The following SEL1L2 variants were observed in gnomAD, a reference collection of about 807,000 sequenced individuals.
The protein encoded by SEL1L2 is SEL1L2 adaptor subunit of SYVN1 ubiquitin ligase, also known as protein sel-1 homolog 2.
A neutral mutation model predicts 98.8 loss-of-function variants in SEL1L2; 89 were observed. The ratio of observed to expected loss-of-function variants is 0.90; its 90% confidence interval spans 0.76 to 1.07. The LOEUF is 1.07. SEL1L2 is among the 50% of genes least tolerant of loss of function. The pLI, the probability that SEL1L2 is intolerant of heterozygous loss-of-function variation, is 0.00. For synonymous variants in SEL1L2, 262 were observed against 278.5 expected (o/e 0.94, Z 0.59); for missense variants, 788 against 812.0 (o/e 0.97, Z 0.36).
chr20:13,950,993 G>GA (rs764195962), intron 2 of SEL1L2, among the ~76,000 whole-genome samples: 5 of 151,988 alleles, frequency 3.3e-5, no homozygotes, highest in African/African-American at 4.8e-5. Context: ...ATACTGATTA[G>GA]AGGCCGGGCG....
In SEL1L2 at chr20:13,849,308, A is replaced by T; in HGVS notation, c.*177T>A. 1 of 712,200 alleles carries T rather than the reference A, an allele frequency of 1.4e-6. No individual in the cohort carries two copies. The highest frequency in any genetic ancestry group is 2.3e-6 in the Non-Finnish European group (1 of 437,702). 44.1% of individuals were successfully genotyped at this position (712,200 alleles called of 1,614,324 possible). ...CATCCCGCAAAGGGTTTTCTCTACT[A>T]AGCAGGAAGTCTGAAGTTGTTTCTC... On this transcript the variant is annotated 3_prime_UTR_variant, in exon 20 of 20. Coordinates refer to ENST00000284951, the MANE Select transcript of SEL1L2 (RefSeq NM_025229.2).
chr20:13,854,606 T>C (rs1344482408), intron 18 of SEL1L2, among the ~76,000 whole-genome samples: 1 of 152,222 alleles, frequency 6.6e-6, no homozygotes, highest in Non-Finnish European at 1.5e-5. Context: ...CTGTGAGCTC[T>C]TTGAAGGCTG....
At chr20:13,853,085 T>C (rs1170544701) in intron 18 of SEL1L2, among the ~76,000 whole-genome samples, 2 of 152,232 alleles carry the variant, frequency 1.3e-5, no homozygotes, top group African/African-American at 4.8e-5. Flanking sequence ...TATTCACATA[T>C]ACATACTTTT....
At chr20:13,938,162 C>A (rs1275421961) in intron 2 of SEL1L2, among the ~76,000 whole-genome samples, 2 of 151,244 alleles carry the variant, frequency 1.3e-5, no homozygotes, top group Non-Finnish European at 2.9e-5. Flanking sequence ...CTCACTGCAA[C>A]CTCCACCTCC....
chr20:13,954,371 G>T (rs888862701), intron 2 of SEL1L2, among the ~76,000 whole-genome samples: 1 of 152,126 alleles, frequency 6.6e-6, no homozygotes, highest in African/African-American at 2.4e-5. Flanking sequence ...CTGGTTGTAG[G>T]ATAGCATGCA....
At chr20:13,942,416 G>A (rs1251773793) in intron 2 of SEL1L2, among the ~76,000 whole-genome samples, 1 of 152,150 alleles carries the variant, frequency 6.6e-6, no homozygotes, top group Admixed American at 6.5e-5. Context: ...GGTTCTTAAA[G>A]TATGGTCCCT....
intron 1 of SEL1L2, 110 bp downstream of exon 1, chr20:13,990,367 T>C: frequency 1.4e-6 from 1 of 734,992 alleles, no homozygotes; most frequent in Non-Finnish European, 2.4e-6. Flanking sequence ...TGGCATTAGT[T>C]AGGGATATAG....
Position 13,942,449 on chromosome 20 carries a change from T to C in SEL1L2, c.115-10678A>G, listed in dbSNP as rs1005675173. Among the ~76,000 whole-genome samples, 8 of 152,260 alleles carry C rather than the reference T, an allele frequency of 5.3e-5. No individual in the cohort carries two copies. The East Asian group carries it at 1.2e-3, about 22-fold the overall frequency. On this transcript the variant is annotated intron_variant, in intron 2 of 19. Transcript: ENST00000284951. Reference sequence around the variant, plus strand: ...CCTGAAATCTGTTAGACGTGCAAATTATCTGCTCCACCTGAGGTCTACAGA... The same window carrying C: ...CCTGAAATCTGTTAGACGTGCAAATCATCTGCTCCACCTGAGGTCTACAGA...
At chr20:13,929,574 C>T (rs1247750916) in intron 3 of SEL1L2, among the ~76,000 whole-genome samples, 1 of 145,262 alleles carries the variant, frequency 6.9e-6, no homozygotes, top group Admixed American at 7.1e-5. Flanking sequence ...CAGCTCAGCT[C>T]ACTGCAAGCT....
intron 1 of SEL1L2, among the ~76,000 whole-genome samples, chr20:13,969,235 G>T (rs904528895): frequency 6.6e-6 from 1 of 152,124 alleles, no homozygotes; most frequent in Non-Finnish European, 1.5e-5. Flanking sequence ...AAGTCCCAAT[G>T]TCCCCACAAA....
intron 17 of SEL1L2, among the ~76,000 whole-genome samples, chr20:13,862,388 A>T (rs1226347672): frequency 6.6e-6 from 1 of 152,152 alleles, no homozygotes; most frequent in Non-Finnish European, 1.5e-5. Flanking sequence ...CATCTAGGAC[A>T]TCCATCTCAG....
chr20:13,925,972 G>C (rs1341018812), intron 3 of SEL1L2, among the ~76,000 whole-genome samples: 1 of 152,224 alleles, frequency 6.6e-6, no homozygotes, highest in African/African-American at 2.4e-5. Flanking sequence ...TTAATGGTGA[G>C]CAGGTTGGGC....
At chr20:13,925,906 A>T (rs2048870361) in intron 3 of SEL1L2, among the ~76,000 whole-genome samples, 1 of 152,252 alleles carries the variant, frequency 6.6e-6, no homozygotes, top group Non-Finnish European at 1.5e-5. Flanking sequence ...CAGTTAACTT[A>T]CATAAAACTG....
rs561090520 is a variant in SEL1L2 at position 13,891,186 on chromosome 20, C to T, written c.550-2674G>A. 2.9e-4 allele frequency among the ~76,000 whole-genome samples: 44 copies of T among 151,592 alleles called. No homozygotes were observed. In the South Asian group the frequency reaches 5.6e-3, roughly 19 times the overall value. ...CAAAGGATTCCAAGTGAGATGAACC[C>T]GAAGAGCCCCAAACCAAGACACATT... On this transcript the variant is annotated intron_variant, in intron 5 of 19. Coordinates refer to ENST00000284951, the MANE Select transcript of SEL1L2 (RefSeq NM_025229.2).
At chr20:13,858,818 G>A (rs1355353647) in intron 18 of SEL1L2, among the ~76,000 whole-genome samples, 1 of 152,194 alleles carries the variant, frequency 6.6e-6, no homozygotes, top group Non-Finnish European at 1.5e-5. Flanking sequence ...CACAGTAGGT[G>A]CTTCATAAGA....
rs112633765 is a variant in SEL1L2, at chr20:13,934,964, C to A, written c.115-3193G>T. On this transcript the variant is annotated intron_variant, in intron 2 of 19. Coordinates refer to ENST00000284951, the MANE Select transcript of SEL1L2 (RefSeq NM_025229.2). ...TGGATTTTGATAAGCATCCTGCACT[C>A]TCTAGTATAGTGGAATTATCATATG... 3.3e-5 allele frequency among the ~76,000 whole-genome samples: 5 copies of A among 152,098 alleles called. No homozygotes were observed. The East Asian group carries it at 9.6e-4, about 29-fold the overall frequency.
Position 13,882,525 on chromosome 20 carries a change from A to C in SEL1L2, c.957+2822T>G, listed in dbSNP as rs144388520. ...AAAGCTTGGGCCAGTTGGCTAAAGC[A>C]TGAGACCACATGGAGAGGGGCCCCA... On this transcript the variant is annotated intron_variant, in intron 10 of 19. Transcript: ENST00000284951. 6.6e-3 allele frequency among the ~76,000 whole-genome samples: 1,002 copies of C among 152,346 alleles called. 3 individuals are homozygous for C. Among genetic ancestry groups the C allele is most frequent in the South Asian group, 0.023 (111 of 4,830 alleles).
chr20:13,865,865 A>G lies in SEL1L2; in HGVS notation c.1405-351T>C, dbSNP rs986227091. ...TGTGTGTGTGTGTGTGTGTTCTTAA[A>G]GGGACTTTCTGAGCACTGCTGCTCT... On this transcript the variant is annotated intron_variant, in intron 15 of 19. Transcript: ENST00000284951. Among the ~76,000 whole-genome samples, 4 of 142,338 alleles carry G rather than the reference A, an allele frequency of 2.8e-5. No individual in the cohort carries two copies. In the East Asian group the frequency reaches 7.8e-4, roughly 28 times the overall value. 93.4% of individuals were successfully genotyped at this position (142,338 alleles called of 152,430 possible).
chr20:13,882,375 C>T (rs1288152594), intron 10 of SEL1L2, among the ~76,000 whole-genome samples: 1 of 152,212 alleles, frequency 6.6e-6, no homozygotes, highest in Non-Finnish European at 1.5e-5. Flanking sequence ...CCCTACCCCT[C>T]CAAGTTTGCT....
Sources: gnomAD v4.1 joint callset for allele counts (sites outside exome capture counted in the v4.1 genomes callset) on GRCh38, gnomAD v4.1.1 for gene constraint, MANE v1.5 for transcripts, NCBI Gene and HGNC (gene_info 2026-07-23, HGNC 2026-07-21) for gene names.